The following SUGT1 variants were observed in gnomAD, a reference collection of about 807,000 sequenced individuals.
SUGT1 encodes protein SGT1 homolog.
Under a neutral mutation model 56.1 loss-of-function variants are expected in SUGT1, and 15 were observed. That is an observed-to-expected ratio of 0.27 (90% CI 0.18 to 0.41). The LOEUF (loss-of-function observed/expected upper bound fraction) is 0.41, where lower values mean the gene tolerates loss of function less well. SUGT1 is among the 10% of genes least tolerant of loss of function. SUGT1 has a pLI of 1.00. For missense variants in SUGT1, 347 were observed against 382.2 expected (o/e 0.91, Z 0.77); for synonymous variants, 123 against 128.6 (o/e 0.96, Z 0.30).
At chr13:52,683,119 AC>A (rs1963441778) in intron 12 of SUGT1, among the ~76,000 whole-genome samples, 1 of 151,996 alleles carries the variant, frequency 6.6e-6, no homozygotes, top group Non-Finnish European at 1.5e-5. Flanking sequence ...GCTATATTTC[AC>A]TGGCTGCAAC....
intron 12 of SUGT1, among the ~76,000 whole-genome samples, chr13:52,682,267 C>T (rs1963407256): frequency 6.6e-6 from 1 of 152,178 alleles, no homozygotes; most frequent in Non-Finnish European, 1.5e-5. Flanking sequence ...GGCACAGTCA[C>T]AGTTCACTGT....
At position 52,652,865 on chromosome 13, in the gene SUGT1, G is replaced by A; in HGVS notation, c.-56G>A. ...AGAAGTTTCCCCCTTGGGCGGTGGTGGAGGTGGTAACCGTGATAGTAGCAG... is the reference window on the plus strand; with the variant it reads ...AGAAGTTTCCCCCTTGGGCGGTGGTAGAGGTGGTAACCGTGATAGTAGCAG... On this transcript the variant is annotated 5_prime_UTR_variant, in exon 1 of 13. Transcript: ENST00000310528. 1.3e-6 allele frequency: 2 copies of A among 1,593,322 alleles called. No homozygotes were observed. The highest frequency in any genetic ancestry group is 1.7e-6 in the Non-Finnish European group (2 of 1,168,958).
intron 6 of SUGT1, 55 bp from the exon 7 acceptor site, chr13:52,663,041 C>G: frequency 6.3e-7 from 1 of 1,578,272 alleles, no homozygotes; most frequent in Non-Finnish European, 8.6e-7. Flanking sequence ...ATACAAATAA[C>G]TTTGCTTAAA....
rs1434398533 is a variant in SUGT1, at chr13:52,653,190, C to T, written c.96+87C>T. ...CCGCTGACCCGCCTTCTCCCCGCAC[C>T]GCCGGACAGGGACCCAGGCTCTTGT... On this transcript the variant is annotated intron_variant, in intron 2 of 12. Transcript: ENST00000310528. 7.9e-6 allele frequency: 12 copies of T among 1,516,320 alleles called. No homozygotes were observed. The African/African-American group carries it at 1.7e-4, about 21-fold the overall frequency. 93.9% of individuals were successfully genotyped at this position (1,516,320 alleles called of 1,614,324 possible). A position where few individuals can be genotyped will look rare whatever the true frequency, so the allele number is the denominator to read the frequency against.
Position 52,700,534 on chromosome 13 carries a change from A to C in SUGT1, c.*12699A>C, listed in dbSNP as rs552386458. 1 of 152,312 alleles carries C rather than the reference A, an allele frequency of 6.6e-6. No homozygotes were observed. The highest frequency in any genetic ancestry group is 2.1e-4 in the South Asian group (1 of 4,830). The allele number at this position is 152,312 out of a possible 1,614,324, so 9.4% of individuals were successfully genotyped here. ...ATGAAGTACACCTATATATGCATAT[A>C]GTATATGAGCATGTGTATTTGTACA... On this transcript the variant is annotated 3_prime_UTR_variant, in exon 13 of 13. Coordinates refer to ENST00000310528, the MANE Select transcript of SUGT1 (RefSeq NM_006704.5).
intron 10 of SUGT1, 105 bp from the exon 11 acceptor site, chr13:52,676,123 CAA>C: frequency 1.3e-6 from 1 of 756,316 alleles, no homozygotes; most frequent in South Asian, 2.8e-5. Context: ...AGGAAACTGT[CAA>C]AGATACTATT....
intron 10 of SUGT1, among the ~76,000 whole-genome samples, chr13:52,667,887 T>G (rs1962780912): frequency 6.6e-6 from 1 of 152,016 alleles, no homozygotes; most frequent in African/African-American, 2.4e-5. Context: ...AACTCTGGAG[T>G]CCTTTCAGCT....
At chr13:52,658,501 G>A in intron 4 of SUGT1, 33 bp downstream of exon 4, 1 of 1,581,148 alleles carries the variant, frequency 6.3e-7, no homozygotes. Flanking sequence ...GTTGAGCTTG[G>A]TATAGATAGT....
At chr13:52,674,752 T>C (rs187739750) in intron 10 of SUGT1, among the ~76,000 whole-genome samples, 30 of 152,348 alleles carry the variant, frequency 2.0e-4, no homozygotes, top group Admixed American at 1.6e-3. Context: ...CAATTGCTCA[T>C]TTAAACTGTT....
rs1174347729 is a variant in SUGT1, at chr13:52,689,341, C to T, written c.*1506C>T. 6.6e-6 allele frequency: 1 copy of T among 152,002 alleles called. No individual in the cohort carries two copies. The highest frequency in any genetic ancestry group is 2.4e-5 in the African/African-American group (1 of 41,360). 9.4% of individuals were successfully genotyped at this position (152,002 alleles called of 1,614,324 possible). On this transcript the variant is annotated 3_prime_UTR_variant, in exon 13 of 13. Transcript: ENST00000310528. ...AATTAAGTTTTGGTTGGATGGATTT[C>T]TAAAGTTTTCTTCTTAGGAAAATAG...
chr13:52,687,167 T>C (rs1026457808), intron 12 of SUGT1: 1 of 151,704 alleles, frequency 6.6e-6, no homozygotes, highest in Admixed American at 6.6e-5. Context: ...ATTCAGTAGA[T>C]GGTAAATAAA....
intron 7 of SUGT1, 69 bp downstream of exon 7, chr13:52,663,181 C>T: frequency 1.3e-6 from 2 of 1,507,706 alleles, no homozygotes; most frequent in South Asian, 1.2e-5. Context: ...ATATTTGAGA[C>T]AAGACTCAGG....
At position 52,695,509 on chromosome 13, in the gene SUGT1, C is replaced by G. The variant is rs928909677; in HGVS notation, c.*7674C>G. On this transcript the variant is annotated 3_prime_UTR_variant, in exon 13 of 13. Transcript: ENST00000310528. ...GATTGTGAGGATTTAATAACTAAGTCCTGACTCAAATTATGTTACCAATAA... is the reference window on the plus strand; with the variant it reads ...GATTGTGAGGATTTAATAACTAAGTGCTGACTCAAATTATGTTACCAATAA... 1 of 152,136 alleles carries G rather than the reference C, an allele frequency of 6.6e-6. No homozygotes were observed. Among genetic ancestry groups the G allele is most frequent in the Non-Finnish European group, 1.5e-5 (1 of 68,024 alleles). 9.4% of individuals were successfully genotyped at this position (152,136 alleles called of 1,614,324 possible).
intron 5 of SUGT1, 105 bp from the exon 6 acceptor site, chr13:52,662,544 C>CGATAATAG: frequency 1.8e-6 from 2 of 1,108,890 alleles, no homozygotes; most frequent in South Asian, 3.1e-5. Context: ...TGCCGACTCC[C>CGATAATAG]CAGTGCCTAG....
chr13:52,676,633 T>C (rs1287217085), intron 11 of SUGT1, among the ~76,000 whole-genome samples: 3 of 152,198 alleles, frequency 2.0e-5, no homozygotes, highest in Non-Finnish European at 4.4e-5. Flanking sequence ...TTGTTTCTTT[T>C]TGGGTTGTAA....
chr13:52,656,525 C>G (rs572454630), intron 2 of SUGT1, among the ~76,000 whole-genome samples: 1 of 152,288 alleles, frequency 6.6e-6, no homozygotes, highest in South Asian at 2.1e-4. Context: ...TAACAGTGAA[C>G]TTTCCATGGC....
intron 7 of SUGT1, 124 bp downstream of exon 7, chr13:52,663,236 C>A: frequency 1.1e-6 from 1 of 941,614 alleles, no homozygotes; most frequent in Non-Finnish European, 1.6e-6. Flanking sequence ...CATTTAAGTG[C>A]TGGTTCCTCT....
At chr13:52,653,178 T>C in intron 2 of SUGT1, 75 bp downstream of exon 2, 2 of 1,565,026 alleles carry the variant, frequency 1.3e-6, no homozygotes, top group Non-Finnish European at 1.7e-6. Context: ...CTGACCCGCC[T>C]TCTCCCCGCA....
chr13:52,679,902 C>T, intron 11 of SUGT1, 72 bp from the exon 12 acceptor site: 3 of 1,443,480 alleles, frequency 2.1e-6, no homozygotes, highest in Middle Eastern at 2.3e-4. Context: ...TATACATGGT[C>T]ACAAAGTTTA....
Sources: allele counts gnomAD v4.1 joint callset (sites outside exome capture counted in the v4.1 genomes callset), GRCh38; gene constraint gnomAD v4.1.1; transcripts MANE v1.5; gene names NCBI Gene and HGNC (gene_info 2026-07-23, HGNC 2026-07-21).